Variants in SUMF1 observed in about 807,000 individuals in gnomAD.
SUMF1 encodes the protein formylglycine-generating enzyme.
SUMF1 carries 48 observed loss-of-function variants against 47.6 expected under a neutral mutation model. That is an observed-to-expected ratio of 1.01 (90% CI 0.80 to 1.28). SUMF1 has a LOEUF of 1.28. Among genes scored for constraint, SUMF1 ranks in the 50% most tolerant of loss-of-function variants. SUMF1 has a pLI of 0.00. For synonymous variants in SUMF1, 230 were observed against 192.1 expected, an observed-to-expected ratio of 1.20 and a Z score of -1.63; for missense variants, 571 against 485.4, an observed-to-expected ratio of 1.18 and a Z score of -1.66.
intron 9 of SUMF1, among the ~76,000 whole-genome samples, chr3:4,038,583 T>A (rs558834318): frequency 6.6e-6 from 1 of 152,118 alleles, no homozygotes; most frequent in Admixed American, 6.6e-5. Flanking sequence ...TGGTGTGAGC[T>A]TGGGGCTCCA....
chr3:4,426,973 G>T (rs949040527), intron 3 of SUMF1, among the ~76,000 whole-genome samples: 6 of 152,210 alleles, frequency 3.9e-5, no homozygotes, highest in Non-Finnish European at 7.3e-5. Flanking sequence ...GTCCCCTTGA[G>T]AAATGGACTT....
chr3:4,130,409 A>C (rs1261786245), intron 8 of SUMF1, among the ~76,000 whole-genome samples: 1 of 152,202 alleles, frequency 6.6e-6, no homozygotes, highest in African/African-American at 2.4e-5. Flanking sequence ...AGGGGTATAC[A>C]AACTCCCTGG....
At chr3:4,302,637 G>T (rs141593705) in intron 8 of SUMF1, among the ~76,000 whole-genome samples, 270 of 152,248 alleles carry the variant, frequency 1.8e-3, no homozygotes, top group African/African-American at 6.4e-3. Flanking sequence ...GGTTAACCTT[G>T]GCAGAGAGGA....
At chr3:4,311,337 C>T (rs1444367022) in intron 8 of SUMF1, among the ~76,000 whole-genome samples, 1 of 152,186 alleles carries the variant, frequency 6.6e-6, no homozygotes, top group Non-Finnish European at 1.5e-5. Context: ...GGAGGATTGA[C>T]TGGAAGACGT....
rs112274492 is a variant in SUMF1, at chr3:4,219,302, G to C, written c.1015-150557C>G. On this transcript the variant is annotated intron_variant and NMD_transcript_variant, in intron 8 of 12. Coordinates refer to the SUMF1 transcript ENST00000448413. ...ATCCTTACAAATCAATGAAGAGGCA[G>C]AGGAGGTATTGCTGATCCCATTTTA... 6.6e-4 allele frequency among the ~76,000 whole-genome samples: 100 copies of C among 152,312 alleles called. 3 individuals carry two copies. The highest frequency in any genetic ancestry group is 2.4e-3 in the African/African-American group (99 of 41,570).
intron 8 of SUMF1, among the ~76,000 whole-genome samples, chr3:4,375,199 T>C (rs577990869): frequency 3.0e-4 from 45 of 148,992 alleles, no homozygotes; most frequent in African/African-American, 1.1e-3. Flanking sequence ...TTATTACCAA[T>C]GTAGGTCTAA....
chr3:4,197,886 T>C (rs1337717444), intron 8 of SUMF1, among the ~76,000 whole-genome samples: 1 of 152,148 alleles, frequency 6.6e-6, no homozygotes, highest in Non-Finnish European at 1.5e-5. Flanking sequence ...TATCCATTCA[T>C]GGAATCAAAG....
At chr3:4,447,531 C>T (rs746602516) in intron 3 of SUMF1, among the ~76,000 whole-genome samples, 2 of 151,994 alleles carry the variant, frequency 1.3e-5, no homozygotes, top group Non-Finnish European at 2.9e-5. Flanking sequence ...CTCAAATTTA[C>T]CTCGTAGGCC....
intron 8 of SUMF1, among the ~76,000 whole-genome samples, chr3:4,354,218 T>C (rs1190145929): frequency 6.6e-6 from 1 of 152,128 alleles, no homozygotes; most frequent in Non-Finnish European, 1.5e-5. Context: ...ACCAGTAATA[T>C]CAAAGAAGGA....
intron 8 of SUMF1, among the ~76,000 whole-genome samples, chr3:4,112,657 C>CT (rs1481561229): frequency 6.6e-6 from 1 of 152,068 alleles, no homozygotes; most frequent in Non-Finnish European, 1.5e-5. Flanking sequence ...AGAAGCTAGA[C>CT]TTGGGGGCTG....
chr3:4,244,138 T>G (rs1222682438), intron 8 of SUMF1, among the ~76,000 whole-genome samples: 2 of 152,186 alleles, frequency 1.3e-5, no homozygotes, highest in African/African-American at 2.4e-5. Flanking sequence ...ATCCCTTTAT[T>G]TTGAGCCTAT....
chr3:4,454,301 C>T (rs1320878950), intron 1 of SUMF1, among the ~76,000 whole-genome samples: 1 of 152,182 alleles, frequency 6.6e-6, no homozygotes, highest in Non-Finnish European at 1.5e-5. Context: ...GAGGATGACA[C>T]TGAAAATTTT....
chr3:4,309,994 A>G (rs1049495924), intron 8 of SUMF1, among the ~76,000 whole-genome samples: 2 of 152,224 alleles, frequency 1.3e-5, no homozygotes, highest in African/African-American at 2.4e-5. Context: ...AGGCAATATG[A>G]TAATGCCCTA....
chr3:4,178,591 A>G (rs1054265360), intron 8 of SUMF1, among the ~76,000 whole-genome samples: 2 of 152,196 alleles, frequency 1.3e-5, no homozygotes, highest in African/African-American at 4.8e-5. Context: ...ATCATACTGA[A>G]TGGGCAAAAA....
intron 8 of SUMF1, among the ~76,000 whole-genome samples, chr3:4,143,988 CTTTTTT>C (rs10598580): frequency 1.2e-5 from 1 of 85,652 alleles, no homozygotes; most frequent in African/African-American, 3.8e-5. Flanking sequence ...TCTTCTCTCT[CTTTTTT>C]TTTTTTTTTT....
intron 7 of SUMF1, among the ~76,000 whole-genome samples, chr3:4,398,751 T>C (rs192039060): frequency 1.5e-4 from 23 of 152,318 alleles, no homozygotes; most frequent in Admixed American, 1.4e-3. Flanking sequence ...CCACTTGCTT[T>C]TGGAAGAAGC....
In SUMF1 at chr3:4,201,825, G is replaced by A. The variant is rs550857875; in HGVS notation, c.1015-133080C>T. On this transcript the variant is annotated intron_variant and NMD_transcript_variant, in intron 8 of 12. Coordinates refer to the SUMF1 transcript ENST00000448413. ...CTTTTCGATGAAAGCCATTTTAATT[G>A]GGGTGAGATGATATCCCATTGTAAT... 1.1e-4 allele frequency among the ~76,000 whole-genome samples: 16 copies of A among 152,028 alleles called. No individual in the cohort carries two copies. The South Asian group carries it at 1.5e-3, about 14-fold the overall frequency.
chr3:4,239,539 G>C (rs13073775), intron 8 of SUMF1, among the ~76,000 whole-genome samples: 54,916 of 152,012 alleles, frequency 0.36, 10,815 homozygotes, highest in Non-Finnish European at 0.45. Flanking sequence ...TGTAGCAATT[G>C]TGAATGGGAG....
chr3:4,062,389 C>T (rs1397794721), intron 9 of SUMF1, among the ~76,000 whole-genome samples: 2 of 152,078 alleles, frequency 1.3e-5, no homozygotes, highest in Non-Finnish European at 2.9e-5. Context: ...GAGGGTCACA[C>T]CAGGTGTAAC....
Sources: allele counts gnomAD v4.1 joint callset (sites outside exome capture counted in the v4.1 genomes callset), GRCh38; gene constraint gnomAD v4.1.1; transcripts MANE v1.5; gene names NCBI Gene and HGNC (gene_info 2026-07-23, HGNC 2026-07-21).